Variants in CNTNAP2 observed in about 807,000 individuals in gnomAD.
The protein encoded by CNTNAP2 is contactin associated protein 2.
CNTNAP2 carries 98 observed loss-of-function variants against 155.2 expected under a neutral mutation model. The observed-to-expected ratio is 0.63, with a 90% CI of 0.54 to 0.75. The LOEUF (loss-of-function observed/expected upper bound fraction) is 0.75. Ranked by LOEUF, CNTNAP2 falls within the 30% of genes least tolerant of loss-of-function variation. The probability of loss-of-function intolerance (pLI) is 0.00; values close to 1 mark genes in which losing one functional copy is unlikely to be tolerated. For synonymous variants in CNTNAP2, 651 were observed against 631.2 expected (o/e 1.03, Z -0.47); for missense variants, 1,727 against 1,688.1 (o/e 1.02, Z -0.40).
intron 12 of CNTNAP2, among the ~76,000 whole-genome samples, chr7:147,576,408 T>C (rs1458944843): frequency 6.6e-6 from 1 of 152,136 alleles, no homozygotes; most frequent in Non-Finnish European, 1.5e-5. Flanking sequence ...TCCTATAAAC[T>C]TGAAAAAGTC....
At chr7:146,308,630 A>C (rs1487009216) in intron 1 of CNTNAP2, among the ~76,000 whole-genome samples, 1 of 152,214 alleles carries the variant, frequency 6.6e-6, no homozygotes, top group South Asian at 2.1e-4. Context: ...CATATACACC[A>C]TGGAATACTA....
At chr7:148,121,455 A>C (rs1336573448) in intron 16 of CNTNAP2, among the ~76,000 whole-genome samples, 5 of 152,202 alleles carry the variant, frequency 3.3e-5, no homozygotes, top group Admixed American at 2.0e-4. Flanking sequence ...TGTTTTCACA[A>C]CAGTGGCGGG....
chr7:146,451,246 A>G (rs1055796339), intron 1 of CNTNAP2, among the ~76,000 whole-genome samples: 1 of 152,172 alleles, frequency 6.6e-6, no homozygotes, highest in African/African-American at 2.4e-5. Context: ...GTGCCCAGCC[A>G]TAAAACTGTT....
At chr7:146,966,305 C>G (rs1185681517) in intron 3 of CNTNAP2, among the ~76,000 whole-genome samples, 1 of 152,102 alleles carries the variant, frequency 6.6e-6, no homozygotes, top group Non-Finnish European at 1.5e-5. Flanking sequence ...CTCTCTGAGC[C>G]CAAAGGGTTA....
chr7:147,441,150 C>CT (rs772227677), intron 10 of CNTNAP2, among the ~76,000 whole-genome samples: 19 of 151,894 alleles, frequency 1.3e-4, no homozygotes, highest in Non-Finnish European at 2.5e-4. Flanking sequence ...ATGCTTTATT[C>CT]TTTTTGTTTT....
At chr7:147,541,860 C>T (rs565730584) in intron 11 of CNTNAP2, among the ~76,000 whole-genome samples, 19 of 152,150 alleles carry the variant, frequency 1.2e-4, no homozygotes, top group South Asian at 1.0e-3. Flanking sequence ...TAATCATTAG[C>T]GATTTAGGTG....
chr7:146,281,363 G>A (rs1211388682), intron 1 of CNTNAP2, among the ~76,000 whole-genome samples: 1 of 152,140 alleles, frequency 6.6e-6, no homozygotes, highest in Non-Finnish European at 1.5e-5. Flanking sequence ...AGCTGATGAG[G>A]TAAAGAGGGT....
At chr7:146,843,675 A>C (rs185228716) in intron 3 of CNTNAP2, among the ~76,000 whole-genome samples, 1 of 151,946 alleles carries the variant, frequency 6.6e-6, no homozygotes, top group East Asian at 1.9e-4. Context: ...AAATTCTTGA[A>C]TATTTTAGGG....
At chr7:147,086,674 G>A (rs960544914) in intron 4 of CNTNAP2, among the ~76,000 whole-genome samples, 3 of 152,062 alleles carry the variant, frequency 2.0e-5, no homozygotes, top group Admixed American at 6.6e-5. Context: ...CTGGGCTCCA[G>A]CGATTCTCCA....
intron 3 of CNTNAP2, among the ~76,000 whole-genome samples, chr7:146,954,110 G>T (rs1012376381): frequency 1.3e-5 from 2 of 151,828 alleles, no homozygotes; most frequent in South Asian, 4.1e-4. Flanking sequence ...CTTTGGAATC[G>T]TATTTCTTGC....
intron 1 of CNTNAP2, among the ~76,000 whole-genome samples, chr7:146,380,899 C>T (rs906472798): frequency 1.4e-5 from 2 of 146,546 alleles, no homozygotes; most frequent in Non-Finnish European, 3.0e-5. Flanking sequence ...CTGGGGTTCA[C>T]GCCATTCTCC....
chr7:147,416,532 C>T (rs2116499218), intron 10 of CNTNAP2, among the ~76,000 whole-genome samples: 1 of 152,332 alleles, frequency 6.6e-6, no homozygotes, highest in African/African-American at 2.4e-5. Flanking sequence ...GATCCCTCCA[C>T]AGTCCCCTTT....
At chr7:148,132,383 ATTTTTTTT>A (rs200853173) in intron 16 of CNTNAP2, among the ~76,000 whole-genome samples, 6 of 142,070 alleles carry the variant, frequency 4.2e-5, no homozygotes, top group Non-Finnish European at 7.7e-5. Context: ...TAATTTTTTA[ATTTTTTTT>A]TTTTTTTTAG....
intron 4 of CNTNAP2, among the ~76,000 whole-genome samples, chr7:147,107,306 T>C (rs1237642429): frequency 6.6e-6 from 1 of 152,174 alleles, no homozygotes. Context: ...ATAGTAGTTA[T>C]CAAATGAATC....
chr7:148,111,028 G>A (rs1804337705), intron 15 of CNTNAP2, among the ~76,000 whole-genome samples: 1 of 152,138 alleles, frequency 6.6e-6, no homozygotes, highest in African/African-American at 2.4e-5. Context: ...GACATTCGGA[G>A]TCCCTTCAAT....
chr7:147,992,391 T>C (rs1035170737), intron 15 of CNTNAP2, among the ~76,000 whole-genome samples: 3 of 152,106 alleles, frequency 2.0e-5, no homozygotes, highest in Non-Finnish European at 2.9e-5. Context: ...GGATTACAGG[T>C]GTGAGCCACC....
intron 7 of CNTNAP2, 94 bp from the exon 8 acceptor site, chr7:147,132,151 T>C (rs1801387346): frequency 2.6e-6 from 4 of 1,535,700 alleles, no homozygotes; most frequent in Admixed American, 1.7e-5. Flanking sequence ...AGGCTGTGCT[T>C]CAAAACTTGT....
chr7:146,122,710 C>CATCTA (rs1797581740), intron 1 of CNTNAP2, among the ~76,000 whole-genome samples: 1 of 152,092 alleles, frequency 6.6e-6, no homozygotes, highest in African/African-American at 2.4e-5. Context: ...TATTATTTTA[C>CATCTA]AGAGATGCTT....
chr7:147,673,856 T>G (rs1386972312), intron 13 of CNTNAP2, among the ~76,000 whole-genome samples: 1 of 152,240 alleles, frequency 6.6e-6, no homozygotes, highest in Non-Finnish European at 1.5e-5. Context: ...TACCTATACT[T>G]CTTTATATCT....
Sources: allele counts gnomAD v4.1 joint callset (sites outside exome capture counted in the v4.1 genomes callset), GRCh38; gene constraint gnomAD v4.1.1; transcripts MANE v1.5; gene names NCBI Gene and HGNC (gene_info 2026-07-23, HGNC 2026-07-21).